LDLRAD3: variants seen among roughly 807,000 people sequenced by gnomAD.
LDLRAD3 encodes the protein low density lipoprotein receptor class A domain containing 3.
A neutral mutation model predicts 29.4 loss-of-function variants in LDLRAD3; 20 were observed. The ratio of observed to expected loss-of-function variants is 0.68; its 90% confidence interval spans 0.48 to 0.99. The LOEUF (loss-of-function observed/expected upper bound fraction) is 0.99. LDLRAD3 is among the 50% of genes least tolerant of loss of function. LDLRAD3 has a pLI of 0.00. For synonymous variants in LDLRAD3, 157 were observed against 192.7 expected (o/e 0.81, Z 1.53); for missense variants, 420 against 454.3 (o/e 0.92, Z 0.69).
intron 4 of LDLRAD3, among the ~76,000 whole-genome samples, chr11:36,169,727 G>A (rs933047480): frequency 2.6e-5 from 4 of 151,994 alleles, no homozygotes; most frequent in Admixed American, 1.3e-4. Flanking sequence ...TGTTGATTTC[G>A]TATCTTGGCT....
chr11:36,025,112 T>C (rs769772813), intron 1 of LDLRAD3, among the ~76,000 whole-genome samples: 7 of 152,238 alleles, frequency 4.6e-5, no homozygotes, highest in Admixed American at 2.6e-4. Flanking sequence ...CATTTGCTCT[T>C]TCTTTTCCAG....
intron 4 of LDLRAD3, among the ~76,000 whole-genome samples, chr11:36,146,358 C>A (rs1854194077): frequency 6.6e-6 from 1 of 152,158 alleles, no homozygotes; most frequent in South Asian, 2.1e-4. Flanking sequence ...TTCTCATAAC[C>A]TTTTCTCTCT....
chr11:36,030,651 T>A (rs985935138), intron 1 of LDLRAD3, among the ~76,000 whole-genome samples: 1 of 152,210 alleles, frequency 6.6e-6, no homozygotes, highest in African/African-American at 2.4e-5. Flanking sequence ...TCTGTACCTA[T>A]GTATGGGTGT....
At chr11:36,120,122 G>GTT (rs904064435) in intron 4 of LDLRAD3, among the ~76,000 whole-genome samples, 1 of 152,122 alleles carries the variant, frequency 6.6e-6, no homozygotes, top group Non-Finnish European at 1.5e-5. Flanking sequence ...CTTGTCTGCT[G>GTT]TTTTAAATAA....
At chr11:36,117,383 A>T (rs963890304) in intron 4 of LDLRAD3, among the ~76,000 whole-genome samples, 1 of 152,018 alleles carries the variant, frequency 6.6e-6, no homozygotes, top group Non-Finnish European at 1.5e-5. Context: ...AATACATACT[A>T]TATTTAAAAC....
At chr11:35,964,365 T>C (rs1443231406) in intron 1 of LDLRAD3, among the ~76,000 whole-genome samples, 1 of 152,160 alleles carries the variant, frequency 6.6e-6, no homozygotes, top group African/African-American at 2.4e-5. Flanking sequence ...TTGCTGGGAC[T>C]TGGGTGAGAG....
chr11:36,039,985 G>T lies in LDLRAD3; in HGVS notation c.193+3736G>T, dbSNP rs139576262. Among the ~76,000 whole-genome samples, 272 of 152,268 alleles carry T rather than the reference G, an allele frequency of 1.8e-3. 1 individual carries two copies. The highest frequency in any genetic ancestry group is 6.4e-3 in the African/African-American group (265 of 41,556). On this transcript the variant is annotated intron_variant, in intron 2 of 5. Coordinates refer to ENST00000315571, the MANE Select transcript of LDLRAD3 (RefSeq NM_174902.4). ...AAACGGCTGATGTGGAATTTCTGCC[G>T]CCTTCCCGGAGGGAGGGAGACTGGT...
At chr11:36,017,682 C>A (rs1040971964) in intron 1 of LDLRAD3, among the ~76,000 whole-genome samples, 1 of 152,018 alleles carries the variant, frequency 6.6e-6, no homozygotes, top group African/African-American at 2.4e-5. Context: ...TCGTGCACCC[C>A]CATGCCCCAT....
chr11:36,145,743 A>T (rs1854181474), intron 4 of LDLRAD3, among the ~76,000 whole-genome samples: 1 of 150,922 alleles, frequency 6.6e-6, no homozygotes. Context: ...TGCTGTGTCC[A>T]CTCAGGGTTG....
chr11:36,117,177 A>G (rs1283665116), intron 4 of LDLRAD3, among the ~76,000 whole-genome samples: 1 of 152,102 alleles, frequency 6.6e-6, no homozygotes. Context: ...AATCATTTAG[A>G]GCAAAAGTTG....
intron 4 of LDLRAD3, among the ~76,000 whole-genome samples, chr11:36,145,388 G>T (rs1590306744): frequency 3.9e-5 from 4 of 101,776 alleles, no homozygotes; most frequent in Admixed American, 2.5e-4. Context: ...AGGTGGGGGG[G>T]TCAGCCCCCC....
chr11:36,171,100 G>A (rs1234165983), intron 4 of LDLRAD3, among the ~76,000 whole-genome samples: 4 of 151,690 alleles, frequency 2.6e-5, no homozygotes, highest in Non-Finnish European at 5.9e-5. Context: ...TCTTCTTTTG[G>A]GAATTGTCTA....
At chr11:36,053,176 G>A (rs1215583780) in intron 2 of LDLRAD3, among the ~76,000 whole-genome samples, 1 of 152,106 alleles carries the variant, frequency 6.6e-6, no homozygotes, top group African/African-American at 2.4e-5. Flanking sequence ...TTTTCACAGA[G>A]GCTTCTGTGG....
chr11:35,953,885 A>G (rs1851168650), intron 1 of LDLRAD3, among the ~76,000 whole-genome samples: 1 of 152,250 alleles, frequency 6.6e-6, no homozygotes, highest in African/African-American at 2.4e-5. Flanking sequence ...CTTGATTAAA[A>G]AGTATGATAC....
intron 1 of LDLRAD3, among the ~76,000 whole-genome samples, chr11:36,022,100 T>G (rs1413963902): frequency 2.0e-5 from 3 of 152,212 alleles, no homozygotes; most frequent in Non-Finnish European, 4.4e-5. Context: ...TATTTCAATT[T>G]ACTGAAAAAT....
intron 4 of LDLRAD3, among the ~76,000 whole-genome samples, chr11:36,119,571 G>T (rs1853724127): frequency 6.6e-6 from 1 of 150,812 alleles, no homozygotes; most frequent in Non-Finnish European, 1.5e-5. Context: ...GTTTTGATTT[G>T]CATTTTCCTA....
Position 36,229,616 on chromosome 11 carries a change from TCAC to T in LDLRAD3, c.*220_*222del. The T allele has an allele frequency of 2.0e-6, 1 of 511,852 alleles. No homozygotes were observed. The highest frequency in any genetic ancestry group is 3.7e-5 in the South Asian group (1 of 26,810). The allele number at this position is 511,852 out of a possible 1,614,324, so 31.7% of individuals were successfully genotyped here. On this transcript the variant is annotated 3_prime_UTR_variant, in exon 6 of 6. Transcript: ENST00000315571. ...TCTGTTGTGCGTCTTTTCTGTCAGG[TCAC>T]TCTTCCCTTGGGACCCGAGATCACA...
At chr11:36,132,410 G>A (rs11033446) in intron 4 of LDLRAD3, among the ~76,000 whole-genome samples, 29,216 of 152,048 alleles carry the variant, frequency 0.19, 3,471 homozygotes, top group East Asian at 0.38. Context: ...ATAATGCAGC[G>A]TGGCTAAACT....
intron 4 of LDLRAD3, among the ~76,000 whole-genome samples, chr11:36,220,043 T>C (rs1855407096): frequency 6.6e-6 from 1 of 152,196 alleles, no homozygotes; most frequent in Non-Finnish European, 1.5e-5. Flanking sequence ...GAAGATAAGC[T>C]GTGGCAAATC....
Sources: gnomAD v4.1 joint callset for allele counts (sites outside exome capture counted in the v4.1 genomes callset) on GRCh38, gnomAD v4.1.1 for gene constraint, MANE v1.5 for transcripts, NCBI Gene and HGNC (gene_info 2026-07-23, HGNC 2026-07-21) for gene names.